RRM2: variants seen among roughly 807,000 people sequenced by gnomAD.
RRM2 encodes ribonucleoside-diphosphate reductase subunit M2.
In RRM2, 6 loss-of-function variants were observed where a neutral mutation model predicts 45.9. That is an observed-to-expected ratio of 0.13 (90% CI 0.07 to 0.26). The LOEUF (loss-of-function observed/expected upper bound fraction) is 0.26. Ranked by LOEUF, RRM2 falls within the 10% of genes least tolerant of loss-of-function variation. The probability of loss-of-function intolerance (pLI) is 1.00; values close to 1 mark genes in which losing one functional copy is unlikely to be tolerated. For synonymous variants in RRM2, 177 were observed against 173.0 expected (o/e 1.02, Z -0.18); for missense variants, 343 against 489.5 (o/e 0.70, Z 2.82).
rs74691002 is a variant in RRM2, at chr2:10,167,664, A to G, written n.482+25289A>G. On this transcript the variant is annotated intron_variant and non_coding_transcript_variant, in intron 3 of 3. Transcript: ENST00000381786. Reference sequence around the variant, plus strand: ...GTGTCTTCTCTCTGGGCCAGGAGGAAGTGGAGAGGTGGGATCAGGGCCGAT... The same window carrying G: ...GTGTCTTCTCTCTGGGCCAGGAGGAGGTGGAGAGGTGGGATCAGGGCCGAT... Among the ~76,000 whole-genome samples, 252 of 152,200 alleles carry G rather than the reference A, an allele frequency of 1.7e-3. 3 individuals carry two copies. Among genetic ancestry groups the G allele is most frequent in the Non-Finnish European group, 3.0e-3 (205 of 67,998 alleles).
chr2:10,167,577 G>A (rs892264830), intron 3 of RRM2, among the ~76,000 whole-genome samples: 3 of 152,092 alleles, frequency 2.0e-5, no homozygotes, highest in African/African-American at 4.8e-5. Flanking sequence ...TTTTTTCAGC[G>A]GGCGTGGTGG....
At position 10,195,552 on chromosome 2, in the gene RRM2, G is replaced by A. The variant is rs543688072; in HGVS notation, n.483-14759G>A. On this transcript the variant is annotated intron_variant and non_coding_transcript_variant, in intron 3 of 3. Transcript: ENST00000381786. This position sits in a 1 kb window ranked among gnomAD's most constrained non-coding sequence, Gnocchi z 4.9. The stretch of plus-strand genomic sequence containing the variant: ...TTGCTTCAGCTGGATGAGAGGGTGT[G>A]GGAGAGAGGAGCATCCCAGGCAAAG... 1.3e-5 allele frequency among the ~76,000 whole-genome samples: 2 copies of A among 152,320 alleles called. No individual in the cohort carries two copies. The highest frequency in any genetic ancestry group is 3.9e-4 in the East Asian group (2 of 5,182).
intron 3 of RRM2, among the ~76,000 whole-genome samples, chr2:10,209,131 C>T (rs527307837): frequency 2.7e-5 from 4 of 149,328 alleles, no homozygotes; most frequent in African/African-American, 7.4e-5. Flanking sequence ...AATCTTGGCT[C>T]ACTGCAACCT....
At chr2:10,136,647 T>G (rs571788791), upstream of RRM2, among the ~76,000 whole-genome samples, 7 of 152,240 alleles carry the variant, frequency 4.6e-5, no homozygotes, top group South Asian at 1.5e-3. Context: ...GTGGCATGCA[T>G]CTGTAGTCCC....
intron 3 of RRM2, among the ~76,000 whole-genome samples, chr2:10,154,691 C>CTTTTTTTT (rs70948874): frequency 1.0e-5 from 1 of 95,754 alleles, no homozygotes; most frequent in African/African-American, 4.2e-5. Context: ...AGTCCTGATT[C>CTTTTTTTT]TTTTTTTTTT....
At position 10,150,213 on chromosome 2, in the gene RRM2, C is replaced by T. The variant is rs548339282; in HGVS notation, n.482+7838C>T. On this transcript the variant is annotated intron_variant and non_coding_transcript_variant, in intron 3 of 3. Transcript: ENST00000381786. ...CTGTAATCCCAGCACTTTGGGAGGT[C>T]GAGGCGGGTGGATCACGAGGTCAGG... is the stretch of plus-strand genomic sequence containing the variant. Among the ~76,000 whole-genome samples, 8 of 152,064 alleles carry T rather than the reference C, an allele frequency of 5.3e-5. No homozygotes were observed. The South Asian group carries it at 1.5e-3, about 28-fold the overall frequency.
At chr2:10,162,672 A>ACCCCCCCGCCCCCCCCCC (rs1663589243) in intron 3 of RRM2, among the ~76,000 whole-genome samples, 1 of 147,596 alleles carries the variant, frequency 6.8e-6, no homozygotes, top group Admixed American at 6.8e-5. Context: ...AGCCACCTGC[A>ACCCCCCCGCCCCCCCCCC]CCCCCCCGCC....
intron 3 of RRM2, among the ~76,000 whole-genome samples, chr2:10,197,489 G>A (rs1327198123): frequency 6.6e-6 from 1 of 152,148 alleles, no homozygotes; most frequent in Non-Finnish European, 1.5e-5. Context: ...GAAGGGCTGG[G>A]GGAACTCCAG....
intron 5 of RRM2, 28 bp from the exon 6 acceptor site, chr2:10,126,847 A>G (rs1373897269): frequency 1.9e-6 from 3 of 1,569,594 alleles, no homozygotes; most frequent in Non-Finnish European, 2.6e-6. Flanking sequence ...GTAATGCTTC[A>G]ATTGCTGATA....
chr2:10,185,796 T>C lies in RRM2; in HGVS notation n.483-24515T>C, dbSNP rs1054916265. Among the ~76,000 whole-genome samples the C allele has an allele frequency of 6.7e-6, 1 of 150,346 alleles. No individual in the cohort carries two copies. The highest frequency in any genetic ancestry group is 2.4e-5 in the African/African-American group (1 of 40,844). On this transcript the variant is annotated intron_variant and non_coding_transcript_variant, in intron 3 of 3. Coordinates refer to the RRM2 transcript ENST00000381786. This position sits in a 1 kb window ranked among gnomAD's most constrained non-coding sequence, Gnocchi z 4.3. ...CCTCTCTGTTCTCCCCAGTCTCCCC[T>C]AAACTCCAAATCTCTACTCTGACCC...
Position 10,129,050 on chromosome 2 carries a change from A to G in RRM2, c.913A>G (p.Thr305Ala), listed in dbSNP as rs933446577. The G allele has an allele frequency of 6.2e-7, 1 of 1,614,048 alleles. No individual in the cohort carries two copies. Among genetic ancestry groups the G allele is most frequent in the African/African-American group, 1.3e-5 (1 of 74,940 alleles). ...NAVRIEQEFLTEALPVKLIGM... is the reference protein window; with the variant it reads ...NAVRIEQEFLAEALPVKLIGM... ...GTATTTTGGTTCCTAGGAGTTCCTC[A>G]CTGAGGCCTTGCCTGTGAAGCTCAT... Residue 305 changes from threonine to alanine, a missense_variant, in exon 9 of 10, where the codon ACT becomes GCT. By Grantham distance (58) the Thr-to-Ala change is moderately conservative. This residue lies in a region of RRM2 where 212 missense variants were observed against 368.1 expected (regional missense o/e 0.58). Coordinates refer to ENST00000304567, the MANE Select transcript of RRM2 (RefSeq NM_001034.4). This position sits in a 1 kb window ranked among gnomAD's most constrained non-coding sequence, Gnocchi z 4.8.
At chr2:10,141,881 A>C (rs1422747312) in exon 2 of RRM2, 1 of 1,569,138 alleles carries the variant, frequency 6.4e-7, no homozygotes, top group Non-Finnish European at 8.6e-7. Context: ...AGTGCAAAGC[A>C]GATGGAGTCC....
In RRM2 at chr2:10,127,557, C is replaced by T. The variant is rs1662808581; in HGVS notation, c.798+337C>T. Among the ~76,000 whole-genome samples, 1 of 152,166 alleles carries T rather than the reference C, an allele frequency of 6.6e-6. No individual in the cohort carries two copies. Among genetic ancestry groups the T allele is most frequent in the Non-Finnish European group, 1.5e-5 (1 of 68,026 alleles). On this transcript the variant is annotated intron_variant, in intron 7 of 9. Transcript: ENST00000304567. The surrounding 1 kb of genome is among the most constrained non-coding windows in gnomAD (Gnocchi z 4.1). ...TGGCGTGATCTTGGCTCACTGCAAC[C>T]TCTGCCTCCTAGGTTCAAGTGATTC...
Position 10,200,638 on chromosome 2 carries a change from C to CGCCATCT in RRM2, n.483-9673_483-9672insGCCATCT, listed in dbSNP as rs1664543765. Among the ~76,000 whole-genome samples the CGCCATCT allele has an allele frequency of 1.9e-5, 2 of 104,318 alleles. 1 individual carries two copies. Among genetic ancestry groups the CGCCATCT allele is most frequent in the Non-Finnish European group, 4.3e-5 (2 of 47,050 alleles). The allele number at this position is 104,318 out of a possible 152,430, so 68.4% of individuals were successfully genotyped here. On this transcript the variant is annotated intron_variant and non_coding_transcript_variant, in intron 3 of 3. Coordinates refer to the RRM2 transcript ENST00000381786. ...GACCGCGCGCGCAAAATATGAGGCC[C>CGCCATCT]ACAGGCACCGCGCACACAAAATATG...
At chr2:10,196,228 C>T (rs1664411074) in intron 3 of RRM2, among the ~76,000 whole-genome samples, 1 of 152,128 alleles carries the variant, frequency 6.6e-6, no homozygotes, top group Non-Finnish European at 1.5e-5. Flanking sequence ...ACAGAAGGCG[C>T]GGGGAGCAAA....
chr2:10,157,104 C>G (rs1436002989), intron 3 of RRM2, among the ~76,000 whole-genome samples: 1 of 144,292 alleles, frequency 6.9e-6, no homozygotes, highest in Non-Finnish European at 1.5e-5. Flanking sequence ...TCTCGGCTCA[C>G]TGCAAGCTCC....
chr2:10,140,164 G>A (rs942183391), upstream of RRM2, among the ~76,000 whole-genome samples: 3 of 152,050 alleles, frequency 2.0e-5, no homozygotes, highest in South Asian at 2.1e-4. Context: ...GGAAAGTGGC[G>A]TGAATCCGGG....
At chr2:10,176,003 T>C (rs1663907691) in intron 3 of RRM2, among the ~76,000 whole-genome samples, 1 of 152,252 alleles carries the variant, frequency 6.6e-6, no homozygotes, top group Non-Finnish European at 1.5e-5. Flanking sequence ...TAGCATAATG[T>C]CTTCAGAGTT....
chr2:10,173,616 C>T (rs1196987614), intron 3 of RRM2, among the ~76,000 whole-genome samples: 2 of 152,260 alleles, frequency 1.3e-5, no homozygotes, highest in Non-Finnish European at 2.9e-5. Flanking sequence ...TGGAATCGGC[C>T]CTCATGCCTC....
Sources: allele counts gnomAD v4.1 joint callset (sites outside exome capture counted in the v4.1 genomes callset), GRCh38; gene constraint gnomAD v4.1.1; regional missense constraint gnomAD v4.1.1; non-coding constraint Gnocchi (gnomAD v3.1); transcripts MANE v1.5; gene names NCBI Gene and HGNC (gene_info 2026-07-23, HGNC 2026-07-21).